The following COL2A1 variants were observed in gnomAD, a reference collection of about 807,000 sequenced individuals.
The protein encoded by COL2A1 is collagen alpha-1(II) chain.
Under a neutral mutation model 204.5 loss-of-function variants are expected in COL2A1, and 28 were observed. The observed-to-expected ratio is 0.14, with a 90% CI of 0.10 to 0.19. The LOEUF is 0.19. COL2A1 is among the 10% of genes least tolerant of loss of function. COL2A1 has a pLI of 1.00. For synonymous variants in COL2A1, 708 were observed against 718.7 expected, an observed-to-expected ratio of 0.99 and a Z score of 0.24; for missense variants, 1,388 against 2,027.5, an observed-to-expected ratio of 0.68 and a Z score of 6.06.
intron 8 of COL2A1, 51 bp downstream of exon 8, chr12:47,996,497 A>C (rs755608464): frequency 2.7e-6 from 4 of 1,472,632 alleles, no homozygotes; most frequent in Non-Finnish European, 3.8e-6. Flanking sequence ...TGGCTCTGCT[A>C]AGGGCCACCT....
rs756226246 is a variant in COL2A1, at chr12:47,989,776, G to T, written c.1053C>A (p.Gly351=). The change falls in exon 17 of 54, where the codon GGC becomes GGA. Residue 351 remains glycine (G), a synonymous_variant. Coordinates refer to ENST00000380518, the MANE Select transcript of COL2A1 (RefSeq NM_001844.5). ...ATGAACTTACCGGAGGCCCTGCGGG[G>T]CCTGGCTGACCATCGTTGCCTCGGG... ...AGARGNDGQP[G]PAGPPGPVGP... is the part of the protein sequence containing the mutation. 1.9e-6 allele frequency: 3 copies of T among 1,613,404 alleles called. No individual in the cohort carries two copies. The highest frequency in any genetic ancestry group is 2.5e-6 in the Non-Finnish European group (3 of 1,179,990).
chr12:47,983,053 GC>G, intron 32 of COL2A1, 39 bp downstream of exon 32: 1 of 1,611,484 alleles, frequency 6.2e-7, no homozygotes, highest in East Asian at 2.2e-5. Flanking sequence ...CCCAGGGCAG[GC>G]CCAAGGAGGC....
rs773293581 is a variant in COL2A1 at position 47,997,646 on chromosome 12, G to C, written c.491C>G (p.Pro164Arg). 6 of 1,613,548 alleles carry C rather than the reference G, an allele frequency of 3.7e-6. No individual in the cohort carries two copies. The South Asian group carries it at 6.6e-5, about 18-fold the overall frequency. ...GGGACCAGGGGGGCCGGGAGGACCA[G>C]GGGGGCCAGGATTTCCAGGGGTCCC... ...EPGTPGNPGP[P>R]GPPGPPGPPG... The change falls in exon 7 of 54, where the codon CCT becomes CGT. Residue 164 changes from proline (P) to arginine (R), a missense_variant. By Grantham distance (103) the Pro-to-Arg change is moderately radical. This residue lies in a region of COL2A1 where 201 missense variants were observed against 242.4 expected (regional missense o/e 0.83). Transcript: ENST00000380518.
intron 7 of COL2A1, 72 bp from the exon 8 acceptor site, chr12:47,996,697 A>C: frequency 8.6e-7 from 1 of 1,168,698 alleles, no homozygotes; most frequent in South Asian, 1.2e-5. Context: ...GGTAAGCTCT[A>C]TATGGATACA....
chr12:47,997,500 C>A, intron 7 of COL2A1, 106 bp downstream of exon 7: 2 of 1,600,126 alleles, frequency 1.2e-6, no homozygotes, highest in Non-Finnish European at 1.7e-6. Flanking sequence ...AGGCTATGTA[C>A]ACACTGCTGG....
At chr12:48,004,125 G>C in intron 1 of COL2A1, 112 bp downstream of exon 1, 1 of 788,560 alleles carries the variant, frequency 1.3e-6, no homozygotes, top group Non-Finnish European at 2.2e-6. Context: ...TACGACCCCG[G>C]GAGCCGTTTT....
chr12:47,986,485 T>C lies in COL2A1; in HGVS notation c.1420-42A>G, dbSNP rs1481526980. 9 of 1,297,262 alleles carry C rather than the reference T, an allele frequency of 6.9e-6. No individual in the cohort carries two copies. The East Asian group carries it at 2.0e-4, about 29-fold the overall frequency. The allele number at this position is 1,297,262 out of a possible 1,614,324, so 80.4% of individuals were successfully genotyped here. On this transcript the variant is annotated intron_variant, in intron 22 of 53. Transcript: ENST00000380518. ...AAGAGAAACAGAGTGAGCCTTCACC[T>C]GGCCTTGGAGCAAGCCTCGACTCAG...
At chr12:47,983,218 A>G in intron 31 of COL2A1, 81 bp from the exon 32 acceptor site, 3 of 1,535,298 alleles carry the variant, frequency 2.0e-6, no homozygotes, top group South Asian at 1.2e-5. Flanking sequence ...AGGGCTGAAT[A>G]TCACTCCTCC....
At chr12:47,974,525 A>G in intron 52 of COL2A1, 150 bp downstream of exon 52, 1 of 1,253,606 alleles carries the variant, frequency 8.0e-7, no homozygotes, top group East Asian at 2.3e-5. Context: ...ACGTGGGGAA[A>G]AAATACTTTT....
Position 47,996,397 on chromosome 12 carries a change from T to C in COL2A1, c.609+151A>G, listed in dbSNP as rs369438810. 1.3e-4 allele frequency: 101 copies of C among 764,946 alleles called. No individual in the cohort carries two copies. The East Asian group carries it at 2.2e-3, about 16-fold the overall frequency. The allele number at this position is 764,946 out of a possible 1,614,324, so 47.4% of individuals were successfully genotyped here. On this transcript the variant is annotated intron_variant, in intron 8 of 53. Coordinates refer to ENST00000380518, the MANE Select transcript of COL2A1 (RefSeq NM_001844.5). ...GCATCCATTGCCATTAAAAACCAAA[T>C]GCTTTGGGCTAGCTGAATGGGAGGT...
At chr12:48,004,108 G>C (rs951284661) in intron 1 of COL2A1, 129 bp downstream of exon 1, 4 of 713,660 alleles carry the variant, frequency 5.6e-6, no homozygotes, top group East Asian at 2.7e-5. Flanking sequence ...TGCCTAAGTC[G>C]GCGCGCTACG....
chr12:47,998,316 G>T lies in COL2A1; in HGVS notation c.309+99C>A, dbSNP rs552673459. 22 of 1,532,792 alleles carry T rather than the reference G, an allele frequency of 1.4e-5. No individual in the cohort carries two copies. In the South Asian group the frequency reaches 1.8e-4, roughly 12 times the overall value. 94.9% of individuals were successfully genotyped at this position (1,532,792 alleles called of 1,614,324 possible). A position where few individuals can be genotyped will look rare whatever the true frequency, so the allele number is the denominator to read the frequency against. ...CCCTCTGAAACAGATATCTTCTGAT[G>T]TCTAAAAAATCACAGACTGGATTAA... On this transcript the variant is annotated intron_variant, in intron 3 of 53. Transcript: ENST00000380518.
In COL2A1 at chr12:47,974,812, C is replaced by T; in HGVS notation, c.3937G>A (p.Val1313Ile). Residue 1313 changes from valine (V) to isoleucine (I), a missense_variant, in exon 52 of 54, where the codon GTT becomes ATT. Transcript: ENST00000380518. Reference sequence around the variant, plus strand: ...TCGCCAGTCTCCATGTTGCAGAAAACCTTCATGGCGTCCAAGGTGCAGCCT... The same window carrying T: ...TCGCCAGTCTCCATGTTGCAGAAAATCTTCATGGCGTCCAAGGTGCAGCCT... ...NQGCTLDAMK[V>I]FCNMETGETC... 6.2e-7 allele frequency: 1 copy of T among 1,614,202 alleles called. No individual in the cohort carries two copies. Among genetic ancestry groups the T allele is most frequent in the Non-Finnish European group, 8.5e-7 (1 of 1,180,028 alleles).
Position 47,976,930 on chromosome 12 carries a change from G to C in COL2A1, c.3328-11C>G. On this transcript the variant is annotated splice_polypyrimidine_tract_variant and intron_variant, in intron 47 of 53. Transcript: ENST00000380518. This position sits in a 1 kb window ranked among gnomAD's most constrained non-coding sequence, Gnocchi z 4.3. ...GGGGCCTTGAGGACCCTGGGAACAA[G>C]ACAGACACCGATTGAGTCAGGTCAG... 6.3e-7 allele frequency: 1 copy of C among 1,593,466 alleles called. No individual in the cohort carries two copies. Among genetic ancestry groups the C allele is most frequent in the Non-Finnish European group, 8.6e-7 (1 of 1,168,162 alleles).
chr12:48,004,220 G>C lies in COL2A1; in HGVS notation c.85+17C>G. 1 of 1,530,306 alleles carries C rather than the reference G, an allele frequency of 6.5e-7. No individual in the cohort carries two copies. The highest frequency in any genetic ancestry group is 8.9e-7 in the Non-Finnish European group (1 of 1,128,268). The allele number at this position is 1,530,306 out of a possible 1,614,324, so 94.8% of individuals were successfully genotyped here. A position where few individuals can be genotyped will look rare whatever the true frequency, so the allele number is the denominator to read the frequency against. On this transcript the variant is annotated intron_variant, in intron 1 of 53. Coordinates refer to ENST00000380518, the MANE Select transcript of COL2A1 (RefSeq NM_001844.5). ...CATGGAAAGCAGGCAGGCAGGCAGG[G>C]GCGGGGGAAGACTTACGGACATCCT... is the stretch of plus-strand genomic sequence containing the variant.
Position 47,987,173 on chromosome 12 carries a change from C to T in COL2A1, c.1270G>A (p.Ala424Thr). Residue 424 changes from alanine (A) to threonine (T), a missense_variant, in exon 21 of 54, where the codon GCT (alanine) becomes ACT (threonine). Around this residue, in one of 3 missense-constraint regions of COL2A1, gnomAD observed 884 missense variants for 1,415.8 expected, o/e 0.62. Transcript: ENST00000380518. The surrounding 1 kb of genome is among the most constrained non-coding windows in gnomAD (Gnocchi z 4.1). ...GIPGAKGSAG[A>T]PGIAGAPGFP... Reference sequence around the variant, plus strand: ...CCAGGAGCACCAGCAATGCCAGGAGCACCCTGTGGGCATGAGAAGAAGGGA... The same window carrying T: ...CCAGGAGCACCAGCAATGCCAGGAGTACCCTGTGGGCATGAGAAGAAGGGA... The T allele has an allele frequency of 3.7e-6, 6 of 1,614,004 alleles. No individual in the cohort carries two copies. Among genetic ancestry groups the T allele is most frequent in the Non-Finnish European group, 5.1e-6 (6 of 1,179,952 alleles).
chr12:47,998,336 G>C, intron 3 of COL2A1, 79 bp downstream of exon 3: 2 of 1,511,120 alleles, frequency 1.3e-6, no homozygotes, highest in Non-Finnish European at 1.8e-6. Flanking sequence ...TCACAGACTG[G>C]ATTAACATAG....
intron 27 of COL2A1, 26 bp from the exon 28 acceptor site, chr12:47,984,625 T>A (rs751348312): frequency 3.7e-6 from 6 of 1,612,694 alleles, no homozygotes; most frequent in Non-Finnish European, 5.1e-6. Context: ...GGCAGGGCCA[T>A]GAGGCGGATG....
intron 52 of COL2A1, 64 bp from the exon 53 acceptor site, chr12:47,974,395 T>TA: frequency 6.3e-7 from 1 of 1,598,230 alleles, no homozygotes; most frequent in Non-Finnish European, 8.5e-7. Context: ...CCAGGGGCTG[T>TA]AGGGGCTGCC....
Sources: allele counts gnomAD v4.1 joint callset, GRCh38; gene constraint gnomAD v4.1.1; regional missense constraint gnomAD v4.1.1; non-coding constraint Gnocchi (gnomAD v3.1); transcripts MANE v1.5; gene names NCBI Gene and HGNC (gene_info 2026-07-23, HGNC 2026-07-21).